CNTNAP2: variants seen among roughly 807,000 people sequenced by gnomAD.
CNTNAP2 encodes the protein contactin-associated protein-like 2.
In CNTNAP2, 98 loss-of-function variants were observed where a neutral mutation model predicts 155.2. The ratio of observed to expected loss-of-function variants is 0.63; its 90% confidence interval spans 0.54 to 0.75. The LOEUF (loss-of-function observed/expected upper bound fraction) is 0.75. CNTNAP2 is among the 30% of genes least tolerant of loss of function. The pLI, the probability that CNTNAP2 is intolerant of heterozygous loss-of-function variation, is 0.00. For synonymous variants in CNTNAP2, 651 were observed against 631.2 expected (o/e 1.03, Z -0.47); for missense variants, 1,727 against 1,688.1 (o/e 1.02, Z -0.40).
At chr7:147,330,304 C>T (rs904374616) in intron 9 of CNTNAP2, among the ~76,000 whole-genome samples, 2 of 152,136 alleles carry the variant, frequency 1.3e-5, no homozygotes, top group Non-Finnish European at 2.9e-5. Context: ...CAACTACTCC[C>T]CCGGTGCCTC....
At chr7:148,109,659 C>T (rs1804302676) in intron 15 of CNTNAP2, among the ~76,000 whole-genome samples, 1 of 117,428 alleles carries the variant, frequency 8.5e-6, no homozygotes, top group Admixed American at 8.5e-5. Flanking sequence ...GCTGGGATTA[C>T]AGGCGTTGAG....
chr7:148,250,236 G>T (rs193057593), intron 20 of CNTNAP2, among the ~76,000 whole-genome samples: 1 of 152,166 alleles, frequency 6.6e-6, no homozygotes, highest in Admixed American at 6.5e-5. Context: ...TACCCTGACC[G>T]CCTTATTTAG....
intron 13 of CNTNAP2, among the ~76,000 whole-genome samples, chr7:147,901,143 C>G (rs769914858): frequency 4.6e-5 from 7 of 152,140 alleles, no homozygotes; most frequent in Non-Finnish European, 1.0e-4. Flanking sequence ...AACTCCTGAA[C>G]CTTTTTTGTG....
At chr7:147,488,328 C>T (rs772427158) in intron 11 of CNTNAP2, among the ~76,000 whole-genome samples, 2 of 152,158 alleles carry the variant, frequency 1.3e-5, no homozygotes, top group African/African-American at 4.8e-5. Context: ...ACCATCAGGC[C>T]GTGTGCCTTT....
chr7:147,236,576 G>A (rs1803810243), intron 8 of CNTNAP2, among the ~76,000 whole-genome samples: 2 of 149,026 alleles, frequency 1.3e-5, no homozygotes, highest in East Asian at 2.0e-4. Context: ...TTTCTTTTTG[G>A]TTGGTTTTTT....
chr7:147,060,074 A>G (rs1337382545), intron 4 of CNTNAP2, among the ~76,000 whole-genome samples: 2 of 152,206 alleles, frequency 1.3e-5, no homozygotes, highest in Non-Finnish European at 2.9e-5. Context: ...AATGAAGGAC[A>G]AAATAATTTT....
chr7:147,394,143 T>C (rs773121689), intron 9 of CNTNAP2, among the ~76,000 whole-genome samples: 4 of 151,902 alleles, frequency 2.6e-5, no homozygotes, highest in Non-Finnish European at 5.9e-5. Flanking sequence ...TCTCATGAGA[T>C]CTGATGGTTT....
intron 20 of CNTNAP2, among the ~76,000 whole-genome samples, chr7:148,249,018 G>A (rs566389672): frequency 5.9e-5 from 9 of 152,236 alleles, no homozygotes; most frequent in South Asian, 2.1e-4. Context: ...ATCTTCTTTC[G>A]TGAAGTGTCT....
intron 21 of CNTNAP2, among the ~76,000 whole-genome samples, chr7:148,280,030 C>T (rs1054283768): frequency 6.6e-5 from 10 of 152,112 alleles, no homozygotes; most frequent in African/African-American, 2.4e-4. Context: ...ACAAGGAGGC[C>T]GGGCATGGTG....
intron 3 of CNTNAP2, among the ~76,000 whole-genome samples, chr7:146,896,549 A>G (rs1795881736): frequency 6.6e-6 from 1 of 152,116 alleles, no homozygotes; most frequent in Admixed American, 6.6e-5. Flanking sequence ...GTCTTTATAA[A>G]TAGAATCAAT....
At chr7:147,901,868 T>C (rs574568071) in intron 13 of CNTNAP2, among the ~76,000 whole-genome samples, 10 of 152,236 alleles carry the variant, frequency 6.6e-5, no homozygotes, top group Non-Finnish European at 1.2e-4. Flanking sequence ...GATGAATGAA[T>C]GAATGAGTGA....
At chr7:146,669,567 T>G (rs1800260143) in intron 1 of CNTNAP2, among the ~76,000 whole-genome samples, 1 of 152,178 alleles carries the variant, frequency 6.6e-6, no homozygotes, top group African/African-American at 2.4e-5. Flanking sequence ...TGAAATGTAC[T>G]TCAGAACATG....
chr7:146,993,116 T>C (rs1483914845), intron 3 of CNTNAP2, among the ~76,000 whole-genome samples: 1 of 152,148 alleles, frequency 6.6e-6, no homozygotes, highest in Admixed American at 6.6e-5. Context: ...TCATAAAAGC[T>C]TTAGCGAAGG....
intron 4 of CNTNAP2, among the ~76,000 whole-genome samples, chr7:147,059,793 C>A (rs1799628452): frequency 6.6e-6 from 1 of 152,122 alleles, no homozygotes; most frequent in Non-Finnish European, 1.5e-5. Flanking sequence ...AATTAACTTA[C>A]TCTCATAACA....
intron 13 of CNTNAP2, among the ~76,000 whole-genome samples, chr7:147,815,142 T>A (rs2116612577): frequency 6.6e-6 from 1 of 152,296 alleles, no homozygotes; most frequent in Middle Eastern, 3.4e-3. Context: ...AGTGATAGTG[T>A]AGACACAATA....
At chr7:146,965,735 G>A (rs80143857) in intron 3 of CNTNAP2, among the ~76,000 whole-genome samples, 5,973 of 152,212 alleles carry the variant, frequency 0.039, 135 homozygotes, top group South Asian at 0.077. Flanking sequence ...ATAGAAAACC[G>A]TTATGTAGTG....
chr7:146,706,074 G>A (rs989741016), intron 1 of CNTNAP2, among the ~76,000 whole-genome samples: 6 of 151,746 alleles, frequency 4.0e-5, no homozygotes, highest in South Asian at 2.1e-4. Flanking sequence ...GCCCACATGC[G>A]TGGACTCTAG....
chr7:146,282,978 T>C (rs1467905007), intron 1 of CNTNAP2, among the ~76,000 whole-genome samples: 1 of 152,190 alleles, frequency 6.6e-6, no homozygotes, highest in Non-Finnish European at 1.5e-5. Context: ...GAATATCACA[T>C]CTTCAAATAT....
chr7:146,780,290 A>G (rs1371193312), intron 2 of CNTNAP2, among the ~76,000 whole-genome samples: 1 of 151,108 alleles, frequency 6.6e-6, no homozygotes, highest in East Asian at 2.0e-4. Flanking sequence ...GGTTCATGCC[A>G]TTCTCCCCCT....
Sources: allele counts gnomAD v4.1 joint callset (sites outside exome capture counted in the v4.1 genomes callset), GRCh38; gene constraint gnomAD v4.1.1; transcripts MANE v1.5; gene names NCBI Gene and HGNC (gene_info 2026-07-23, HGNC 2026-07-21).